ANKRD30B: variants seen among roughly 807,000 people sequenced by gnomAD.
ANKRD30B encodes ankyrin repeat domain-containing protein 30B.
ANKRD30B carries 144 observed loss-of-function variants against 202.2 expected under a neutral mutation model. That is an observed-to-expected ratio of 0.71 (90% CI 0.62 to 0.82). The LOEUF (loss-of-function observed/expected upper bound fraction) is 0.82, where lower values mean the gene tolerates loss of function less well. Among genes scored for constraint, ANKRD30B ranks in the 40% least tolerant of loss-of-function variants. The pLI is 0.00. For missense variants in ANKRD30B, 1,487 were observed against 1,669.1 expected (o/e 0.89, Z 1.90); for synonymous variants, 508 against 561.3 (o/e 0.91, Z 1.34).
At chr18:14,804,599 T>A (rs1259392379) in intron 24 of ANKRD30B, among the ~76,000 whole-genome samples, 1 of 150,332 alleles carries the variant, frequency 6.7e-6, no homozygotes, top group Non-Finnish European at 1.5e-5. Context: ...GAGACCTTTG[T>A]GGGAAAAAAT....
intron 28 of ANKRD30B, among the ~76,000 whole-genome samples, chr18:14,810,610 T>G (rs999974002): frequency 4.0e-5 from 6 of 151,116 alleles, no homozygotes; most frequent in Non-Finnish European, 5.9e-5. Flanking sequence ...AGTTTCTTGT[T>G]TTTCTGATTA....
chr18:14,796,813 G>A (rs1968932597), intron 18 of ANKRD30B, among the ~76,000 whole-genome samples: 1 of 151,550 alleles, frequency 6.6e-6, no homozygotes, highest in Admixed American at 6.6e-5. Flanking sequence ...AGTTTAGTGA[G>A]GGTGGGGGTG....
intron 43 of ANKRD30B, among the ~76,000 whole-genome samples, 55 bp downstream of exon 43, chr18:14,853,998 T>C (rs1971990834): frequency 6.6e-6 from 1 of 152,218 alleles, no homozygotes; most frequent in African/African-American, 2.4e-5. Context: ...CAAGTGTGTG[T>C]TAAATGTAAC....
intron 9 of ANKRD30B, 63 bp downstream of exon 9, chr18:14,772,291 T>A: frequency 3.7e-6 from 4 of 1,074,396 alleles, no homozygotes; most frequent in Non-Finnish European, 5.2e-6. Flanking sequence ...TAGTATTTCT[T>A]AGCAGTGGTG....
chr18:14,862,082 A>G, the ANKRD30B span, among the ~76,000 whole-genome samples: 1 of 152,132 alleles, frequency 6.6e-6, no homozygotes, highest in African/African-American at 2.4e-5. Flanking sequence ...AATTCCTGAA[A>G]CAAATGAAAA....
intron 15 of ANKRD30B, among the ~76,000 whole-genome samples, chr18:14,788,889 T>G (rs1323515713): frequency 4.6e-5 from 7 of 152,242 alleles, no homozygotes; most frequent in South Asian, 2.1e-4. Flanking sequence ...GCATGATTTA[T>G]AGTCCTTTGG....
the ANKRD30B span, among the ~76,000 whole-genome samples, chr18:14,876,316 A>T: frequency 6.6e-6 from 1 of 152,176 alleles, no homozygotes; most frequent in Admixed American, 6.5e-5. Context: ...GGTCTCTAAG[A>T]TTCATCCTTG....
At chr18:14,832,252 G>A (rs1281230928) in intron 34 of ANKRD30B, among the ~76,000 whole-genome samples, 1 of 152,058 alleles carries the variant, frequency 6.6e-6, no homozygotes, top group Non-Finnish European at 1.5e-5. Flanking sequence ...CTCAGAATCT[G>A]TATTATTAAG....
the ANKRD30B span, among the ~76,000 whole-genome samples, chr18:14,906,424 G>T: frequency 6.6e-6 from 1 of 152,106 alleles, no homozygotes; most frequent in African/African-American, 2.4e-5. Context: ...TAATATGAGT[G>T]ATTTTAAAAA....
chr18:14,798,094 G>A (rs115813590), intron 20 of ANKRD30B, among the ~76,000 whole-genome samples: 1,811 of 152,228 alleles, frequency 0.012, 17 homozygotes, highest in Non-Finnish European at 0.017. Context: ...GCAATGCAAC[G>A]GGGCCTTGTC....
chr18:14,804,596 T>C lies in ANKRD30B; in HGVS notation c.2284+772T>C, dbSNP rs562394445. On this transcript the variant is annotated intron_variant, in intron 24 of 43. Coordinates refer to ENST00000690538, the MANE Select transcript of ANKRD30B (RefSeq NM_001367607.2). ...CTCTGAGTAGCAAGATGAGAGACCT[T>C]TGTGGGAAAAAATGTGGAAGAAGGG... Among the ~76,000 whole-genome samples, 4 of 150,596 alleles carry C rather than the reference T, an allele frequency of 2.7e-5. No individual in the cohort carries two copies. In the South Asian group the frequency reaches 6.3e-4, roughly 24 times the overall value.
chr18:14,873,067 G>A, the ANKRD30B span, among the ~76,000 whole-genome samples: 1 of 152,116 alleles, frequency 6.6e-6, no homozygotes, highest in Non-Finnish European at 1.5e-5. Flanking sequence ...TACCTAAATA[G>A]ATACATAAAT....
At chr18:14,822,231 C>T (rs1181611336) in intron 30 of ANKRD30B, among the ~76,000 whole-genome samples, 2 of 152,022 alleles carry the variant, frequency 1.3e-5, no homozygotes, top group Admixed American at 6.6e-5. Flanking sequence ...TAGTTAATGT[C>T]ACTTGAAATA....
At chr18:14,869,432 C>T in the ANKRD30B span, among the ~76,000 whole-genome samples, 1 of 151,694 alleles carries the variant, frequency 6.6e-6, no homozygotes, top group East Asian at 1.9e-4. Flanking sequence ...AGTCATTCTT[C>T]TTTTAAATTT....
At chr18:14,777,913 C>A in intron 9 of ANKRD30B, 72 bp from the exon 10 acceptor site, 1 of 1,057,822 alleles carries the variant, frequency 9.5e-7, no homozygotes, top group Non-Finnish European at 1.4e-6. Context: ...ACTGAGCCAC[C>A]CTGTGAGACT....
At chr18:14,790,464 T>C (rs1024582418) in intron 15 of ANKRD30B, among the ~76,000 whole-genome samples, 2 of 152,242 alleles carry the variant, frequency 1.3e-5, no homozygotes, top group Non-Finnish European at 2.9e-5. Context: ...CCCTGTCTTA[T>C]GCCAGTTTTC....
At chr18:14,866,478 G>T in the ANKRD30B span, among the ~76,000 whole-genome samples, 76 of 152,250 alleles carry the variant, frequency 5.0e-4, 6 homozygotes, top group East Asian at 0.015. Context: ...TAGGAGGGTG[G>T]CTGGCAGCTG....
At chr18:14,873,500 G>A in the ANKRD30B span, among the ~76,000 whole-genome samples, 2 of 146,494 alleles carry the variant, frequency 1.4e-5, no homozygotes, top group Non-Finnish European at 3.0e-5. Flanking sequence ...ACTCCAGCCT[G>A]GGTGACAGAG....
chr18:14,779,861 A>G lies in ANKRD30B; in HGVS notation c.1421-99A>G. 1.9e-5 allele frequency: 15 copies of G among 808,008 alleles called. No individual in the cohort carries two copies. In the South Asian group the frequency reaches 2.8e-4, roughly 15 times the overall value. The allele number at this position is 808,008 out of a possible 1,614,324, so 50.1% of individuals were successfully genotyped here. On this transcript the variant is annotated intron_variant, in intron 10 of 43. Coordinates refer to ENST00000690538, the MANE Select transcript of ANKRD30B (RefSeq NM_001367607.2). ...CAATAGAATATACAGGCTCCAGAAGAAAGTCCACAGATTCATGAATGAAAA... is the reference window on the plus strand; with the variant it reads ...CAATAGAATATACAGGCTCCAGAAGGAAGTCCACAGATTCATGAATGAAAA...
Sources: allele counts gnomAD v4.1 joint callset (sites outside exome capture counted in the v4.1 genomes callset), GRCh38; gene constraint gnomAD v4.1.1; transcripts MANE v1.5; gene names NCBI Gene and HGNC (gene_info 2026-07-23, HGNC 2026-07-21).